SNX31: variants seen among roughly 807,000 people sequenced by gnomAD.
SNX31 encodes the protein sorting nexin 31.
Under a neutral mutation model 65.4 loss-of-function variants are expected in SNX31, and 58 were observed. The observed-to-expected ratio is 0.89, with a 90% CI of 0.72 to 1.10. The LOEUF is 1.10. SNX31 is among the 50% of genes least tolerant of loss of function. The probability of loss-of-function intolerance (pLI) is 0.00; values close to 1 mark genes in which losing one functional copy is unlikely to be tolerated. For synonymous variants in SNX31, 181 were observed against 190.1 expected (o/e 0.95, Z 0.39); for missense variants, 523 against 529.7 (o/e 0.99, Z 0.12).
intron 5 of SNX31, among the ~76,000 whole-genome samples, chr8:100,616,221 C>T (rs7017809): frequency 0.37 from 56,177 of 152,004 alleles, 11,121 homozygotes; most frequent in South Asian, 0.48. Context: ...CATCCTAAAC[C>T]CAGAAGATAG....
At chr8:100,631,428 G>A (rs940822653) in intron 3 of SNX31, among the ~76,000 whole-genome samples, 4 of 145,318 alleles carry the variant, frequency 2.8e-5, no homozygotes, top group African/African-American at 1.0e-4. Flanking sequence ...TGTTTTCATT[G>A]CTGTTTTACT....
chr8:100,620,985 T>A (rs1417358256), intron 4 of SNX31, among the ~76,000 whole-genome samples: 4 of 151,096 alleles, frequency 2.6e-5, no homozygotes, highest in Admixed American at 1.3e-4. Context: ...AAAATACATT[T>A]AAAAAAAAAT....
Position 100,578,684 on chromosome 8 carries a change from T to TTTTA in SNX31, c.1171-1610_1171-1609insTAAA, listed in dbSNP as rs1813243679. ...ACATATTTAAGCCTATTTCAATGAT[T>TTTTA]TTTTATTTTATTTTATTTTATTTTA... On this transcript the variant is annotated intron_variant, in intron 12 of 13. Coordinates refer to ENST00000311812, the MANE Select transcript of SNX31 (RefSeq NM_152628.4). This position sits in a 1 kb window ranked among gnomAD's most constrained non-coding sequence, Gnocchi z 4.7. Among the ~76,000 whole-genome samples the TTTTA allele has an allele frequency of 1.4e-5, 2 of 145,368 alleles. No homozygotes were observed. The highest frequency in any genetic ancestry group is 2.6e-5 in the African/African-American group (1 of 38,690).
intron 12 of SNX31, 122 bp downstream of exon 12, chr8:100,583,989 G>A (rs759821742): frequency 2.6e-4 from 198 of 754,030 alleles, no homozygotes; most frequent in Non-Finnish European, 3.5e-4. Flanking sequence ...TCTGTGGTTT[G>A]GAGTCCTCCC....
intron 8 of SNX31, among the ~76,000 whole-genome samples, chr8:100,605,876 G>A (rs1251286284): frequency 1.3e-5 from 2 of 152,152 alleles, no homozygotes; most frequent in African/African-American, 2.4e-5. Context: ...CCACAGGAAC[G>A]ATATTAGAAT....
In SNX31 at chr8:100,575,491, T is replaced by C. The variant is rs954319429; in HGVS notation, c.1227+1528A>G. On this transcript the variant is annotated intron_variant, in intron 13 of 13. Coordinates refer to ENST00000311812, the MANE Select transcript of SNX31 (RefSeq NM_152628.4). This position sits in a 1 kb window ranked among gnomAD's most constrained non-coding sequence, Gnocchi z 5.1. ...ACTCACAGCATGAGATAGGTTGGCC[T>C]GTATTAGAGTTACCACTCATCCGAG... Among the ~76,000 whole-genome samples, 1 of 152,246 alleles carries C rather than the reference T, an allele frequency of 6.6e-6. No individual in the cohort carries two copies. Among genetic ancestry groups the C allele is most frequent in the African/African-American group, 2.4e-5 (1 of 41,466 alleles).
intron 2 of SNX31, among the ~76,000 whole-genome samples, chr8:100,643,624 G>A (rs189031673): frequency 3.3e-5 from 5 of 152,222 alleles, no homozygotes; most frequent in Admixed American, 2.6e-4. Context: ...TTGAGCGGGA[G>A]CAACCCCAGA....
At chr8:100,641,309 G>T (rs1197400905) in intron 2 of SNX31, among the ~76,000 whole-genome samples, 1 of 151,636 alleles carries the variant, frequency 6.6e-6, no homozygotes, top group African/African-American at 2.4e-5. Flanking sequence ...GGCCTAGGTG[G>T]GCAGATTGCT....
intron 4 of SNX31, among the ~76,000 whole-genome samples, chr8:100,628,629 T>C (rs574052306): frequency 6.6e-6 from 1 of 152,186 alleles, no homozygotes; most frequent in Non-Finnish European, 1.5e-5. Flanking sequence ...TTAGGATATA[T>C]ACCTAATGCT....
At chr8:100,657,625 G>A (rs1283397739) in intron 1 of SNX31, 3 of 455,142 alleles carry the variant, frequency 6.6e-6, no homozygotes, top group African/African-American at 6.0e-5. Context: ...TGGGAAGGAG[G>A]TCCAGCTGGA....
chr8:100,630,215 C>A lies in SNX31; in HGVS notation c.321+112G>T. 1.1e-6 allele frequency: 1 copy of A among 943,642 alleles called. No individual in the cohort carries two copies. The highest frequency in any genetic ancestry group is 1.6e-6 in the Non-Finnish European group (1 of 627,460). The allele number at this position is 943,642 out of a possible 1,614,324, so 58.5% of individuals were successfully genotyped here. A position where few individuals can be genotyped will look rare whatever the true frequency, so the allele number is the denominator to read the frequency against. On this transcript the variant is annotated intron_variant, in intron 4 of 13. Transcript: ENST00000311812. This position sits in a 1 kb window ranked among gnomAD's most constrained non-coding sequence, Gnocchi z 5.3. ...GAAATGAATATATTTTGTCCAAGTC[C>A]AGGCTCTGTGGGGCTGTGACCAGTG...
At chr8:100,619,063 G>T (rs541023042) in intron 4 of SNX31, 1 of 152,104 alleles carries the variant, frequency 6.6e-6, no homozygotes, top group East Asian at 1.9e-4. Flanking sequence ...TAATCATGCC[G>T]TGGTCTTTCA....
upstream of SNX31, among the ~76,000 whole-genome samples, chr8:100,652,732 G>A (rs577763786): frequency 3.9e-5 from 6 of 152,080 alleles, no homozygotes; most frequent in Non-Finnish European, 8.8e-5. Context: ...GTCTTGTTCT[G>A]GAACTTTCCA....
intron 2 of SNX31, among the ~76,000 whole-genome samples, chr8:100,637,400 T>C (rs1003479407): frequency 5.3e-5 from 8 of 152,042 alleles, no homozygotes; most frequent in Non-Finnish European, 7.4e-5. Flanking sequence ...TTAAAGAAAA[T>C]GAAAGATGGA....
At position 100,625,793 on chromosome 8, in the gene SNX31, C is replaced by A. The variant is rs1245758984; in HGVS notation, c.321+4534G>T. ...ACATGGTGCTCAGCCTGTCTGAGAG[C>A]GCTACTCCGGGCCCCACTGGACACC... On this transcript the variant is annotated intron_variant, in intron 4 of 13. Coordinates refer to ENST00000311812, the MANE Select transcript of SNX31 (RefSeq NM_152628.4). The surrounding 1 kb of genome is among the most constrained non-coding windows in gnomAD (Gnocchi z 4.2). Among the ~76,000 whole-genome samples the A allele has an allele frequency of 6.6e-6, 1 of 152,120 alleles. No homozygotes were observed. The highest frequency in any genetic ancestry group is 1.5e-5 in the Non-Finnish European group (1 of 68,026).
intron 4 of SNX31, chr8:100,618,774 G>C (rs78808473): frequency 0.098 from 17,392 of 177,446 alleles, 1,009 homozygotes; most frequent in African/African-American, 0.15. Flanking sequence ...GGTGTGGGTG[G>C]GGTTTCCATG....
rs117750559 is a variant in SNX31, at chr8:100,580,634, T to C, written c.1170+3477A>G. 8.7e-3 allele frequency among the ~76,000 whole-genome samples: 1,323 copies of C among 152,288 alleles called. 10 individuals carry two copies. The highest frequency in any genetic ancestry group is 0.015 in the Non-Finnish European group (1,007 of 68,018). The stretch of plus-strand genomic sequence containing the variant: ...GCTGCCTAGAATGTGGATGTAATGA[T>C]TGGTGTTCTGGCAGCCATTTTGGGG... On this transcript the variant is annotated intron_variant, in intron 12 of 13. Transcript: ENST00000311812.
intron 3 of SNX31, among the ~76,000 whole-genome samples, chr8:100,634,943 G>A (rs1818653623): frequency 1.3e-5 from 2 of 148,300 alleles, no homozygotes; most frequent in Non-Finnish European, 1.5e-5. Context: ...TGCACATATA[G>A]TCCCAGCTTC....
chr8:100,593,877 A>G (rs895004796), intron 10 of SNX31, among the ~76,000 whole-genome samples: 1 of 142,300 alleles, frequency 7.0e-6, no homozygotes, highest in Non-Finnish European at 1.6e-5. Flanking sequence ...TTCAGCATCT[A>G]TAACAGGATT....
Sources: allele counts gnomAD v4.1 joint callset (sites outside exome capture counted in the v4.1 genomes callset), GRCh38; gene constraint gnomAD v4.1.1; non-coding constraint Gnocchi (gnomAD v3.1); transcripts MANE v1.5; gene names NCBI Gene and HGNC (gene_info 2026-07-23, HGNC 2026-07-21).